The following CDKL1 variants were observed in gnomAD, a reference collection of about 807,000 sequenced individuals.
The protein encoded by CDKL1 is cyclin dependent kinase like 1.
In CDKL1, 41 loss-of-function variants were observed where a neutral mutation model predicts 42.0. The observed-to-expected ratio is 0.98, with a 90% CI of 0.76 to 1.27. CDKL1 has a LOEUF of 1.27. Among genes scored for constraint, CDKL1 ranks in the 50% most tolerant of loss-of-function variants. The probability of loss-of-function intolerance (pLI) is 0.00; values close to 1 mark genes in which losing one functional copy is unlikely to be tolerated. For missense variants in CDKL1, 394 were observed against 428.4 expected (o/e 0.92, Z 0.71); for synonymous variants, 153 against 158.6 (o/e 0.96, Z 0.26).
At chr14:50,342,820 T>G (rs11570832) in intron 4 of CDKL1, 2 of 1,153,376 alleles carry the variant, frequency 1.7e-6, no homozygotes, top group Admixed American at 4.1e-5. Context: ...AAGAGAAGGG[T>G]GGCAACCACA....
At chr14:50,353,850 G>T (rs2033976382) in intron 3 of CDKL1, among the ~76,000 whole-genome samples, 1 of 151,990 alleles carries the variant, frequency 6.6e-6, no homozygotes. Flanking sequence ...GAGCAGCATA[G>T]CAACAAGACC....
chr14:50,358,290 C>G, intron 3 of CDKL1: 2 of 413,566 alleles, frequency 4.8e-6, no homozygotes, highest in Non-Finnish European at 4.2e-6. Flanking sequence ...CTGAGTAATA[C>G]AGCAGAGTAG....
At chr14:50,360,619 G>C (rs1174011238) in intron 2 of CDKL1, among the ~76,000 whole-genome samples, 2 of 152,106 alleles carry the variant, frequency 1.3e-5, no homozygotes, top group East Asian at 3.9e-4. Flanking sequence ...TGTTGGTCAG[G>C]CTGGTCTCGA....
intron 3 of CDKL1, 133 bp from the exon 4 acceptor site, chr14:50,345,191 A>C (rs965417149): frequency 8.4e-6 from 6 of 711,792 alleles, no homozygotes; most frequent in Non-Finnish European, 1.2e-5. Flanking sequence ...CTTACTCATC[A>C]ATCATTCCAT....
intron 3 of CDKL1, among the ~76,000 whole-genome samples, chr14:50,352,294 A>G (rs1566586418): frequency 6.6e-6 from 1 of 152,070 alleles, no homozygotes; most frequent in Non-Finnish European, 1.5e-5. Flanking sequence ...TACATCAAAT[A>G]TTTTAATAAT....
At chr14:50,383,842 G>C (rs1048409912) in intron 2 of CDKL1, among the ~76,000 whole-genome samples, 2 of 152,102 alleles carry the variant, frequency 1.3e-5, no homozygotes, top group African/African-American at 4.8e-5. Context: ...AGAAGGTAAC[G>C]AGCCAGCTTG....
chr14:50,364,770 GT>G (rs1479881736), intron 2 of CDKL1, among the ~76,000 whole-genome samples: 1 of 152,024 alleles, frequency 6.6e-6, no homozygotes, highest in Non-Finnish European at 1.5e-5. Flanking sequence ...TATTGATATT[GT>G]TACCTTTGGG....
At chr14:50,342,499 G>C in intron 4 of CDKL1, 1 of 1,005,654 alleles carries the variant, frequency 9.9e-7, no homozygotes, top group Non-Finnish European at 1.3e-6. Flanking sequence ...AGGACACCCA[G>C]TTAAATTTGA....
intron 2 of CDKL1, among the ~76,000 whole-genome samples, chr14:50,382,667 C>T (rs919091338): frequency 6.7e-6 from 1 of 150,258 alleles, no homozygotes; most frequent in Non-Finnish European, 1.5e-5. Flanking sequence ...CAATCACACT[C>T]ACTGCAGCCT....
At chr14:50,342,322 A>C in intron 4 of CDKL1, 100 bp from the exon 5 acceptor site, 1 of 1,474,224 alleles carries the variant, frequency 6.8e-7, no homozygotes, top group Non-Finnish European at 9.2e-7. Context: ...AAATCATTTA[A>C]ATCTCTCCTT....
chr14:50,364,460 C>T (rs2034381368), intron 2 of CDKL1, among the ~76,000 whole-genome samples: 2 of 152,198 alleles, frequency 1.3e-5, no homozygotes, highest in African/African-American at 4.8e-5. Flanking sequence ...CAGAGCAAAA[C>T]TCTGTCTCTA....
Position 50,338,293 on chromosome 14 carries a change from T to C in CDKL1, c.738+654A>G, listed in dbSNP as rs1165862999. Among the ~76,000 whole-genome samples, 3 of 151,960 alleles carry C rather than the reference T, an allele frequency of 2.0e-5. No homozygotes were observed. In the East Asian group the frequency reaches 5.8e-4, roughly 30 times the overall value. ...GCTGGAGTACAGTGGTGTGGTGCAA[T>C]ATCGGCTCACTGCAACCTCCACCTC... On this transcript the variant is annotated intron_variant, in intron 7 of 9. Transcript: ENST00000395834.
intron 2 of CDKL1, among the ~76,000 whole-genome samples, chr14:50,375,648 T>C (rs2034707621): frequency 6.6e-6 from 1 of 152,066 alleles, no homozygotes; most frequent in Non-Finnish European, 1.5e-5. Flanking sequence ...AATACAAAAA[T>C]TAGCCGGGTG....
intron 1 of CDKL1, 98 bp downstream of exon 1, chr14:50,396,726 C>G (rs1409992000): frequency 1.3e-5 from 2 of 154,640 alleles, no homozygotes; most frequent in Non-Finnish European, 2.8e-5. Flanking sequence ...AAAACCCTCC[C>G]GCGCCCGGAC....
intron 2 of CDKL1, among the ~76,000 whole-genome samples, chr14:50,383,629 A>G (rs1012259793): frequency 6.6e-6 from 1 of 152,044 alleles, no homozygotes; most frequent in African/African-American, 2.4e-5. Flanking sequence ...TTAGAAATAA[A>G]AATAATTTAA....
At chr14:50,390,168 C>T (rs896768540) in intron 2 of CDKL1, 1 of 1,366,124 alleles carries the variant, frequency 7.3e-7, no homozygotes, top group Non-Finnish European at 9.8e-7. Flanking sequence ...CTTTGTCTCA[C>T]TTGTTTTTCT....
chr14:50,360,411 T>C (rs2034201520), intron 2 of CDKL1, among the ~76,000 whole-genome samples: 1 of 152,128 alleles, frequency 6.6e-6, no homozygotes, highest in South Asian at 2.1e-4. Flanking sequence ...TATTTATTTA[T>C]TTTATTTATT....
chr14:50,390,185 C>T (rs755365157), intron 2 of CDKL1: 4 of 1,366,020 alleles, frequency 2.9e-6, no homozygotes, highest in African/African-American at 1.5e-5. Flanking sequence ...TTCTTGTTTT[C>T]TGGAGGGAGA....
At chr14:50,383,312 G>A (rs2034976595) in intron 2 of CDKL1, among the ~76,000 whole-genome samples, 1 of 151,998 alleles carries the variant, frequency 6.6e-6, no homozygotes, top group Admixed American at 6.5e-5. Context: ...CACTTTGGGA[G>A]GCCAAGGCGG....
Sources: allele counts gnomAD v4.1 joint callset (sites outside exome capture counted in the v4.1 genomes callset), GRCh38; gene constraint gnomAD v4.1.1; transcripts MANE v1.5; gene names NCBI Gene and HGNC (gene_info 2026-07-23, HGNC 2026-07-21).